HNRNPUL2: variants seen among roughly 807,000 people sequenced by gnomAD.
HNRNPUL2 encodes the protein heterogeneous nuclear ribonucleoprotein U like 2.
A neutral mutation model predicts 102.2 loss-of-function variants in HNRNPUL2; 27 were observed. The observed-to-expected ratio is 0.26, with a 90% CI of 0.19 to 0.36. HNRNPUL2 has a LOEUF of 0.36. Among genes scored for constraint, HNRNPUL2 ranks in the 10% least tolerant of loss-of-function variants. The pLI is 1.00. For synonymous variants in HNRNPUL2, 458 were observed against 387.2 expected (o/e 1.18, Z -2.15); for missense variants, 936 against 981.1 (o/e 0.95, Z 0.61).
intron 1 of HNRNPUL2, among the ~76,000 whole-genome samples, chr11:62,725,549 G>A (rs1216884318): frequency 6.6e-6 from 1 of 152,152 alleles, no homozygotes; most frequent in Admixed American, 6.5e-5. Context: ...ATAAGTCAAA[G>A]GTTATGTAAT....
intron 11 of HNRNPUL2, among the ~76,000 whole-genome samples, chr11:62,716,747 T>C (rs1423407056): frequency 1.3e-5 from 2 of 152,214 alleles, no homozygotes; most frequent in Non-Finnish European, 2.9e-5. Flanking sequence ...AAGAAACAAA[T>C]ACTTTTGTGA....
In HNRNPUL2 at chr11:62,724,411, C is replaced by T. The variant is rs1170919986; in HGVS notation, c.554G>A (p.Ser185Asn). ...TGAGCCTGCTGGTTTTGACTTTTCA[C>T]TATCCTGGTCATCTCCTACAAAAAC... ...AAEEQGDDQD[S>N]EKSKPAGSDG... Residue 185 changes from serine (S) to asparagine (N), a missense_variant, in exon 2 of 14, where the codon AGT (serine) becomes AAT (asparagine). Around this residue, in one of 2 missense-constraint regions of HNRNPUL2, gnomAD observed 609 missense variants for 713.0 expected, o/e 0.85. Coordinates refer to ENST00000301785, the MANE Select transcript of HNRNPUL2 (RefSeq NM_001079559.3). 3.7e-6 allele frequency: 6 copies of T among 1,614,218 alleles called. No homozygotes were observed. The highest frequency in any genetic ancestry group is 4.2e-6 in the Non-Finnish European group (5 of 1,180,032).
chr11:62,721,328 A>G lies in HNRNPUL2; in HGVS notation c.1578T>C (p.Ala526=). Residue 526 remains alanine (A), a synonymous_variant, in exon 9 of 14, where the codon GCT becomes GCC. Transcript: ENST00000301785. ...SQCLSKLVQI[A]SRTKRNFILD... is the part of the protein sequence containing the mutation. Reference sequence around the variant, plus strand: ...GAATAAAGTTCCTCTTTGTCCGGGAAGCAATCTGGACCAGCTTACTAAGGC... The same window carrying G: ...GAATAAAGTTCCTCTTTGTCCGGGAGGCAATCTGGACCAGCTTACTAAGGC... The G allele has an allele frequency of 6.2e-7, 1 of 1,608,322 alleles. No homozygotes were observed. Among genetic ancestry groups the G allele is most frequent in the Non-Finnish European group, 8.5e-7 (1 of 1,178,326 alleles).
At chr11:62,721,724 C>T in intron 8 of HNRNPUL2, 96 bp downstream of exon 8, 1 of 1,361,860 alleles carries the variant, frequency 7.3e-7, no homozygotes, top group South Asian at 1.3e-5. Context: ...ATTTCTGGGA[C>T]CCTTGTTCTC....
At position 62,715,530 on chromosome 11, in the gene HNRNPUL2, G is replaced by A. The variant is rs1288528793; in HGVS notation, c.2133C>T (p.Tyr711=). The part of the protein sequence containing the change: ...FYGRDYEYNR[Y]RDYYRQYNRD... ...GATTGTATTGTCTGTAATAGTCTCTGTATCTGTTGTACTCATAATCTCGCC... is the reference window on the plus strand; with the variant it reads ...GATTGTATTGTCTGTAATAGTCTCTATATCTGTTGTACTCATAATCTCGCC... Residue 711 remains tyrosine, a synonymous_variant, in exon 13 of 14, where the codon TAC becomes TAT. Transcript: ENST00000301785. The A allele has an allele frequency of 3.7e-6, 6 of 1,612,166 alleles. No individual in the cohort carries two copies. Among genetic ancestry groups the A allele is most frequent in the Non-Finnish European group, 4.2e-6 (5 of 1,178,620 alleles).
In HNRNPUL2 at chr11:62,724,368, C is replaced by T; in HGVS notation, c.597G>A (p.Gly199=). 2 of 1,613,922 alleles carry T rather than the reference C, an allele frequency of 1.2e-6. No homozygotes were observed. The highest frequency in any genetic ancestry group is 1.7e-6 in the Non-Finnish European group (2 of 1,179,894). ...KPAGSDGERR[G]VKRQRDEKDE... The stretch of plus-strand genomic sequence containing the variant: ...CCTTCTCATCCCGCTGTCTCTTTAC[C>T]CCCCGCCGCTCACCATCTGAGCCTG... The change falls in exon 2 of 14, where the codon GGG becomes GGA. Residue 199 remains glycine, a synonymous_variant. Coordinates refer to ENST00000301785, the MANE Select transcript of HNRNPUL2 (RefSeq NM_001079559.3).
At chr11:62,716,909 T>C (rs2083664501) in intron 11 of HNRNPUL2, 80 bp downstream of exon 11, 1 of 1,492,874 alleles carries the variant, frequency 6.7e-7, no homozygotes, top group Non-Finnish European at 9.3e-7. Flanking sequence ...TTGGTTTCCT[T>C]GGCCTTCCCT....
At chr11:62,718,667 T>G (rs1467815337) in intron 10 of HNRNPUL2, among the ~76,000 whole-genome samples, 21 of 128,800 alleles carry the variant, frequency 1.6e-4, no homozygotes, top group Non-Finnish European at 3.1e-4. Flanking sequence ...TACTCCAACC[T>G]GGGCGACAAG....
At chr11:62,716,583 T>C (rs1332946751) in intron 11 of HNRNPUL2, among the ~76,000 whole-genome samples, 2 of 152,232 alleles carry the variant, frequency 1.3e-5, no homozygotes, top group African/African-American at 4.8e-5. Context: ...ATTCGCTTTC[T>C]TGTTAATCGA....
chr11:62,721,685 A>T, intron 8 of HNRNPUL2, 135 bp downstream of exon 8: 1 of 1,135,980 alleles, frequency 8.8e-7, no homozygotes, highest in East Asian at 2.4e-5. Flanking sequence ...AATCCACCTA[A>T]AACGCATAGA....
chr11:62,721,422 A>T lies in HNRNPUL2; in HGVS notation c.1484T>A (p.Met495Lys). 6.4e-7 allele frequency: 1 copy of T among 1,569,364 alleles called. No homozygotes were observed. Among genetic ancestry groups the T allele is most frequent in the Non-Finnish European group, 8.6e-7 (1 of 1,165,936 alleles). Residue 495 changes from methionine (M) to lysine (K), a missense_variant and splice_region_variant, in exon 9 of 14, where the codon ATG becomes AAG. Coordinates refer to ENST00000301785, the MANE Select transcript of HNRNPUL2 (RefSeq NM_001079559.3). ...GAETVLNQMRMKGLEEPEMDP... is the reference protein window; with the variant it reads ...GAETVLNQMRKKGLEEPEMDP... ...CATCTCTGGCTCCTCGAGACCCTTCATCTGATTAGTTTGAGAGGAAGTGAA... is the reference window on the plus strand; with the variant it reads ...CATCTCTGGCTCCTCGAGACCCTTCTTCTGATTAGTTTGAGAGGAAGTGAA...
Position 62,715,501 on chromosome 11 carries a change from T to C in HNRNPUL2, c.2162A>G (p.Asp721Gly), listed in dbSNP as rs1233753393. ...YRDYYRQYNR[D>G]WQSYYYHHPQ... ...TGTCTATCCCAAGAAGATACTCACA[T>C]CCCGATTGTATTGTCTGTAATAGTC... Residue 721 changes from aspartate to glycine, a missense_variant and splice_region_variant, in exon 13 of 14, where the codon GAT becomes GGT. Coordinates refer to ENST00000301785, the MANE Select transcript of HNRNPUL2 (RefSeq NM_001079559.3). The C allele has an allele frequency of 3.7e-6, 6 of 1,608,642 alleles. No homozygotes were observed. The Admixed American group carries it at 1.0e-4, about 27-fold the overall frequency.
In HNRNPUL2 at chr11:62,726,868, GCTCCTCGTCCTCGTCCTCAAGCAGCGC is replaced by G. The variant is rs779081295; in HGVS notation, c.262_288del (p.Ala88_Glu96del). The G allele has an allele frequency of 2.1e-5, 34 of 1,581,908 alleles. No homozygotes were observed. The highest frequency in any genetic ancestry group is 5.2e-5 in the Admixed American group (3 of 57,800). On this transcript the variant is annotated inframe_deletion, in exon 1 of 14. Coordinates refer to ENST00000301785, the MANE Select transcript of HNRNPUL2 (RefSeq NM_001079559.3). ...TGACCCAAGGCTTGAGCAGGGGGTG[GCTCCTCGTCCTCGTCCTCAAGCAGCGC>G]CTCCTCGTCCTCCTCCTCCTCCTCT... is the stretch of plus-strand genomic sequence containing the variant.
At chr11:62,726,533 G>C in intron 1 of HNRNPUL2, 86 bp downstream of exon 1, 2 of 1,331,168 alleles carry the variant, frequency 1.5e-6, no homozygotes, top group Non-Finnish European at 9.9e-7. Context: ...CGAGAACAAG[G>C]ACTCGGACCC....
In HNRNPUL2 at chr11:62,715,032, T is replaced by C. The variant is rs1296870881; in HGVS notation, c.*267A>G. On this transcript the variant is annotated 3_prime_UTR_variant, in exon 14 of 14. Transcript: ENST00000301785. The stretch of plus-strand genomic sequence containing the variant: ...TGCTTTCTGCGCAAATGTTTTTTGA[T>C]TACAAATCTCTAACTAGGTTTGAAA... 9 of 412,532 alleles carry C rather than the reference T, an allele frequency of 2.2e-5. No homozygotes were observed. The highest frequency in any genetic ancestry group is 2.0e-5 in the African/African-American group (1 of 49,498). The allele number at this position is 412,532 out of a possible 1,614,324, so 25.6% of individuals were successfully genotyped here.
Position 62,714,853 on chromosome 11 carries a change from A to C in HNRNPUL2, c.*446T>G. ...CTGCCTGCTCCTACCTGCTGTGGAG[A>C]GCACCCTCGCGCTGCCTCCCCACCC... On this transcript the variant is annotated 3_prime_UTR_variant, in exon 14 of 14. Transcript: ENST00000301785. 6.1e-6 allele frequency: 1 copy of C among 163,106 alleles called. No homozygotes were observed. Among genetic ancestry groups the C allele is most frequent in the Non-Finnish European group, 1.3e-5 (1 of 74,770 alleles). 10.1% of individuals were successfully genotyped at this position (163,106 alleles called of 1,614,324 possible). A position where few individuals can be genotyped will look rare whatever the true frequency, so the allele number is the denominator to read the frequency against.
chr11:62,715,266 C>T lies in HNRNPUL2; in HGVS notation c.*33G>A, dbSNP rs1393978773. The stretch of plus-strand genomic sequence containing the variant: ...GTGCCTGGCACCCCCAGAGATTCAG[C>T]TTCATGGCTGACAGGTGACCATGGC... On this transcript the variant is annotated 3_prime_UTR_variant, in exon 14 of 14. Transcript: ENST00000301785. 3 of 1,577,084 alleles carry T rather than the reference C, an allele frequency of 1.9e-6. No homozygotes were observed. In the East Asian group the frequency reaches 6.8e-5, roughly 36 times the overall value.
intron 10 of HNRNPUL2, among the ~76,000 whole-genome samples, 163 bp from the exon 11 acceptor site, chr11:62,717,352 CT>C (rs1256524640): frequency 6.6e-6 from 1 of 152,170 alleles, no homozygotes; most frequent in African/African-American, 2.4e-5. Context: ...ATGACATTAA[CT>C]TTTTCTACTC....
rs142031099 is a variant in HNRNPUL2, at chr11:62,727,374, G to C, written c.-218C>G. 426 of 521,206 alleles carry C rather than the reference G, an allele frequency of 8.2e-4. 1 individual carries two copies. Among genetic ancestry groups the C allele is most frequent in the Non-Finnish European group, 1.1e-3 (401 of 354,454 alleles). The allele number at this position is 521,206 out of a possible 1,614,324, so 32.3% of individuals were successfully genotyped here. A position where few individuals can be genotyped will look rare whatever the true frequency, so the allele number is the denominator to read the frequency against. On this transcript the variant is annotated 5_prime_UTR_variant, in exon 1 of 14. Transcript: ENST00000301785. ...TCTCCCCTCCCCCTTTCGGCTCACG[G>C]AGCCCAAAACAACGCAGCAGGGAGC... is the stretch of plus-strand genomic sequence containing the variant.
Sources: gnomAD v4.1 joint callset for allele counts (sites outside exome capture counted in the v4.1 genomes callset) on GRCh38, gnomAD v4.1.1 for gene constraint, gnomAD v4.1.1 regional missense constraint, MANE v1.5 for transcripts, NCBI Gene and HGNC (gene_info 2026-07-23, HGNC 2026-07-21) for gene names.